WDR64: variants seen among roughly 807,000 people sequenced by gnomAD.
WDR64 encodes WD repeat-containing protein 64.
WDR64 carries 112 observed loss-of-function variants against 139.3 expected under a neutral mutation model. The ratio of observed to expected loss-of-function variants is 0.80; its 90% confidence interval spans 0.69 to 0.94. The LOEUF (loss-of-function observed/expected upper bound fraction) is 0.94. Among genes scored for constraint, WDR64 ranks in the 40% least tolerant of loss-of-function variants. The probability of loss-of-function intolerance (pLI) is 0.00; values close to 1 mark genes in which losing one functional copy is unlikely to be tolerated. For synonymous variants in WDR64, 444 were observed against 437.7 expected (o/e 1.01, Z -0.18); for missense variants, 1,206 against 1,293.1 (o/e 0.93, Z 1.03).
chr1:241,688,525 T>C (rs893335712), intron 8 of WDR64, among the ~76,000 whole-genome samples: 15 of 152,144 alleles, frequency 9.9e-5, no homozygotes, highest in African/African-American at 3.1e-4. Flanking sequence ...CAGTCTGGCA[T>C]GTAAAGAGCT....
intron 2 of WDR64, among the ~76,000 whole-genome samples, chr1:241,670,404 G>T (rs147632783): frequency 2.0e-5 from 3 of 152,122 alleles, no homozygotes; most frequent in Non-Finnish European, 4.4e-5. Flanking sequence ...ACAGTCATTT[G>T]AGAGTGGCCA....
At chr1:241,781,762 A>T (rs1658853753) in intron 22 of WDR64, among the ~76,000 whole-genome samples, 1 of 145,840 alleles carries the variant, frequency 6.9e-6, no homozygotes, top group African/African-American at 2.5e-5. Flanking sequence ...ATAGAAGAGA[A>T]TGGAATGCAA....
intron 16 of WDR64, among the ~76,000 whole-genome samples, chr1:241,768,614 G>A (rs951849237): frequency 1.3e-4 from 20 of 152,148 alleles, no homozygotes; most frequent in African/African-American, 4.8e-4. Context: ...TTTGAGCTTG[G>A]GTTCACTTTC....
intron 26 of WDR64, 31 bp from the exon 27 acceptor site, chr1:241,796,226 T>A: frequency 1.3e-6 from 2 of 1,515,406 alleles, no homozygotes; most frequent in Non-Finnish European, 1.8e-6. Flanking sequence ...TCACTTTGAG[T>A]GTGTCTCACT....
At chr1:241,695,265 T>C (rs1667438889) in intron 8 of WDR64, among the ~76,000 whole-genome samples, 1 of 152,180 alleles carries the variant, frequency 6.6e-6, no homozygotes. Context: ...TTCTTGAGGG[T>C]TTTTAAAAAA....
intron 15 of WDR64, among the ~76,000 whole-genome samples, chr1:241,760,837 C>G (rs1657836412): frequency 7.1e-6 from 1 of 140,134 alleles, no homozygotes. Context: ...GCTATCCCGG[C>G]TCACTGCAAG....
intron 8 of WDR64, among the ~76,000 whole-genome samples, chr1:241,704,227 T>C (rs997676970): frequency 1.9e-4 from 29 of 152,116 alleles, no homozygotes; most frequent in African/African-American, 7.0e-4. Context: ...ACCCCTGCCA[T>C]CCTGAGAAGG....
intron 1 of WDR64, among the ~76,000 whole-genome samples, chr1:241,655,730 A>G (rs1208598725): frequency 1.4e-5 from 2 of 141,778 alleles, no homozygotes; most frequent in Non-Finnish European, 3.0e-5. Context: ...ATGCCTGTAA[A>G]CTCTTCCTCA....
chr1:241,679,009 C>T (rs1666670728), intron 5 of WDR64, among the ~76,000 whole-genome samples: 1 of 151,996 alleles, frequency 6.6e-6, no homozygotes, highest in South Asian at 2.1e-4. Flanking sequence ...TATTACAAAT[C>T]CTAGCCATGC....
At chr1:241,683,861 G>GTA (rs1666911170) in intron 7 of WDR64, among the ~76,000 whole-genome samples, 160 bp downstream of exon 7, 1 of 111,594 alleles carries the variant, frequency 9.0e-6, no homozygotes, top group East Asian at 3.1e-4. Context: ...CATTGTTCAT[G>GTA]TATACACACA....
At chr1:241,688,174 G>C (rs1031885733) in intron 8 of WDR64, among the ~76,000 whole-genome samples, 2 of 152,090 alleles carry the variant, frequency 1.3e-5, no homozygotes, top group Non-Finnish European at 2.9e-5. Flanking sequence ...ACAGACGCCA[G>C]ACAAAAAGAC....
intron 8 of WDR64, among the ~76,000 whole-genome samples, chr1:241,688,718 C>G (rs1332989770): frequency 2.0e-5 from 3 of 152,196 alleles, no homozygotes; most frequent in African/African-American, 7.2e-5. Context: ...GCAGGAACCC[C>G]CTGAATAACC....
chr1:241,690,401 G>A (rs1052987710), intron 8 of WDR64, among the ~76,000 whole-genome samples: 18 of 151,564 alleles, frequency 1.2e-4, no homozygotes, highest in Non-Finnish European at 1.6e-4. Context: ...AACCTGGGAG[G>A]CGGAGGTTGT....
intron 10 of WDR64, among the ~76,000 whole-genome samples, chr1:241,732,182 C>T (rs557723516): frequency 2.0e-5 from 3 of 152,218 alleles, no homozygotes; most frequent in African/African-American, 7.2e-5. Flanking sequence ...ATGGTGAATT[C>T]CCCAGACCCC....
chr1:241,770,378 T>G (rs1574084563), intron 17 of WDR64: 4 of 397,082 alleles, frequency 1.0e-5, no homozygotes, highest in Admixed American at 4.4e-5. Context: ...AGGCAAGACT[T>G]TTATTTTCTG....
chr1:241,660,660 GGT>G lies in WDR64; in HGVS notation c.276+1_276+2del. ...CGGATGCATCTGCAGACTGGTGTGA[GGT>G]AGACTCATTTCATGTTCATAATATG... On this transcript the variant is annotated splice_donor_variant, in intron 2 of 27. Transcript: ENST00000437684. LOFTEE classifies it high-confidence loss of function. 6.5e-7 allele frequency: 1 copy of G among 1,549,016 alleles called. No individual in the cohort carries two copies. Among genetic ancestry groups the G allele is most frequent in the Middle Eastern group, 1.7e-4 (1 of 5,982 alleles).
At chr1:241,705,563 AATAATAATAATAAT>A (rs1350908716) in intron 8 of WDR64, among the ~76,000 whole-genome samples, 5 of 63,212 alleles carry the variant, frequency 7.9e-5, no homozygotes, top group Non-Finnish European at 1.9e-4. Context: ...ATAAATAAAT[AATAATAATAATAAT>A]AATAATAATA....
chr1:241,782,367 A>G (rs1201893147), intron 22 of WDR64, among the ~76,000 whole-genome samples: 1 of 152,262 alleles, frequency 6.6e-6, no homozygotes, highest in Non-Finnish European at 1.5e-5. Context: ...TCAGAAGGCC[A>G]ACAAATTTAG....
intron 26 of WDR64, 45 bp downstream of exon 26, chr1:241,795,332 G>C (rs1423003238): frequency 6.5e-7 from 1 of 1,532,034 alleles, no homozygotes; most frequent in South Asian, 1.2e-5. Context: ...GAACAGTAGA[G>C]AATCTGCCAT....
Sources: gnomAD v4.1 joint callset for allele counts (sites outside exome capture counted in the v4.1 genomes callset) on GRCh38, gnomAD v4.1.1 for gene constraint, MANE v1.5 for transcripts, NCBI Gene and HGNC (gene_info 2026-07-23, HGNC 2026-07-21) for gene names.